Variants in ANK2 observed in about 807,000 individuals in gnomAD.
The protein encoded by ANK2 is ankyrin 2.
In ANK2, 83 loss-of-function variants were observed where a neutral mutation model predicts 360.5. The observed-to-expected ratio is 0.23, with a 90% CI of 0.19 to 0.28. ANK2 has a LOEUF of 0.28. ANK2 is among the 10% of genes least tolerant of loss of function. The pLI is 1.00. For missense variants in ANK2, 4,201 were observed against 4,795.7 expected (o/e 0.88, Z 3.66); for synonymous variants, 1,740 against 1,759.5 (o/e 0.99, Z 0.28).
At chr4:113,306,623 G>A (rs959242015) in intron 23 of ANK2, among the ~76,000 whole-genome samples, 4 of 152,184 alleles carry the variant, frequency 2.6e-5, no homozygotes, top group African/African-American at 9.7e-5. Flanking sequence ...TCTCTATAAT[G>A]CTAGGTACAT....
At chr4:112,979,679 C>T (rs2042500182) in intron 2 of ANK2, 2 of 152,364 alleles carry the variant, frequency 1.3e-5, no homozygotes, top group African/African-American at 4.8e-5. Flanking sequence ...GAACAGTTAT[C>T]AGGAGACCTG....
intron 4 of ANK2, among the ~76,000 whole-genome samples, chr4:113,228,191 CT>C (rs1157647431): frequency 6.6e-6 from 1 of 152,042 alleles, no homozygotes; most frequent in African/African-American, 2.4e-5. Context: ...TTTGTTTTAA[CT>C]TTTTATTTCC....
chr4:112,939,144 A>G (rs895152262), intron 2 of ANK2, among the ~76,000 whole-genome samples: 16 of 152,256 alleles, frequency 1.1e-4, no homozygotes, highest in African/African-American at 3.9e-4. Context: ...CAAATATTTT[A>G]TTTTAAAATT....
intron 1 of ANK2, among the ~76,000 whole-genome samples, chr4:112,819,716 A>G (rs999480498): frequency 6.6e-6 from 1 of 152,214 alleles, no homozygotes. Flanking sequence ...TACAAGCCAT[A>G]TAAAATGAAG....
At chr4:112,954,964 A>G (rs1288124707) in intron 2 of ANK2, among the ~76,000 whole-genome samples, 7 of 152,170 alleles carry the variant, frequency 4.6e-5, no homozygotes, top group Admixed American at 3.9e-4. Context: ...ATGACCAAAT[A>G]TGTTTGTTAT....
intron 3 of ANK2, among the ~76,000 whole-genome samples, chr4:113,197,240 T>G (rs1226630991): frequency 6.6e-6 from 1 of 152,216 alleles, no homozygotes; most frequent in Non-Finnish European, 1.5e-5. Flanking sequence ...ATATTAGATT[T>G]TATCATCATA....
In ANK2 at chr4:113,341,767, C is replaced by T. The variant is rs1475321238; in HGVS notation, c.3973C>T (p.Pro1325Ser). Residue 1325 changes from proline to serine, a missense_variant, in exon 33 of 46, where the codon CCT becomes TCT. Coordinates refer to ENST00000357077, the MANE Select transcript of ANK2 (RefSeq NM_001148.6). ...AGTATACAGAGAAATTATCTGCGTA[C>T]CTTATATGGCCAAATTTGTAGTGTT... ...SQVYREIICV[P>S]YMAKFVVFAK... The T allele has an allele frequency of 1.2e-6, 2 of 1,614,072 alleles. No homozygotes were observed. Among genetic ancestry groups the T allele is most frequent in the Non-Finnish European group, 1.7e-6 (2 of 1,180,002 alleles).
At chr4:112,788,344 A>T in the ANK2 span, 1 of 1,546,722 alleles carries the variant, frequency 6.5e-7, no homozygotes, top group Admixed American at 1.7e-5. Flanking sequence ...TAATGCACTA[A>T]GGGACCACCA....
At chr4:112,750,023 C>T in the ANK2 span, among the ~76,000 whole-genome samples, 275 of 152,158 alleles carry the variant, frequency 1.8e-3, no homozygotes, top group African/African-American at 6.0e-3. Flanking sequence ...GGATTACAGG[C>T]GTGAGCCACC....
intron 1 of ANK2, among the ~76,000 whole-genome samples, chr4:113,135,417 G>T (rs1234130608): frequency 6.6e-6 from 1 of 151,870 alleles, no homozygotes; most frequent in African/African-American, 2.4e-5. Flanking sequence ...ATGAAAGAAT[G>T]CAGAGAAGCT....
the ANK2 span, among the ~76,000 whole-genome samples, chr4:112,802,975 A>C: frequency 6.6e-6 from 1 of 152,272 alleles, no homozygotes; most frequent in Non-Finnish European, 1.5e-5. Flanking sequence ...GGTAGGCTGC[A>C]GTGGTTATTT....
At chr4:113,379,711 C>G (rs1464339744) in intron 45 of ANK2, among the ~76,000 whole-genome samples, 2 of 151,858 alleles carry the variant, frequency 1.3e-5, no homozygotes, top group Non-Finnish European at 2.9e-5. Flanking sequence ...CTTCCAGATG[C>G]AGAACAATTC....
At chr4:112,880,836 C>G (rs2076505024) in intron 1 of ANK2, 1 of 152,194 alleles carries the variant, frequency 6.6e-6, no homozygotes, top group South Asian at 2.1e-4. Context: ...CTCGTCTGGT[C>G]TCTTTCACCT....
chr4:113,019,391 G>A (rs113504305), intron 2 of ANK2, among the ~76,000 whole-genome samples: 1,678 of 152,238 alleles, frequency 0.011, 32 homozygotes, highest in African/African-American at 0.038. Context: ...TCGGTTAAAT[G>A]TTGTTATTTG....
intron 1 of ANK2, among the ~76,000 whole-genome samples, chr4:113,115,654 A>G (rs11930235): frequency 0.022 from 3,300 of 152,276 alleles, 114 homozygotes; most frequent in African/African-American, 0.075. Context: ...TATAACATGT[A>G]CCATCCACAT....
rs767333997 is a variant in ANK2, at chr4:113,287,613, C to G, written c.2088C>G (p.Leu696=). Residue 696 remains leucine, a synonymous_variant, in exon 19 of 46, where the codon CTC becomes CTG. Transcript: ENST00000357077. The part of the protein sequence containing the change: ...ANIHMSTKSG[L]TSLHLAAQED... ...TTCCATTCTTTCTGTAGAGTGGACT[C>G]ACATCCTTACACCTTGCAGCCCAGG... 3.1e-6 allele frequency: 5 copies of G among 1,609,288 alleles called. No homozygotes were observed. In the South Asian group the frequency reaches 5.5e-5, roughly 18 times the overall value.
intron 2 of ANK2, among the ~76,000 whole-genome samples, chr4:113,000,060 A>G (rs1309455854): frequency 6.6e-6 from 1 of 152,252 alleles, no homozygotes; most frequent in Non-Finnish European, 1.5e-5. Context: ...AAAAGGACTC[A>G]AAGAAAAGAA....
the ANK2 span, among the ~76,000 whole-genome samples, chr4:112,775,955 G>A: frequency 1.3e-5 from 2 of 152,194 alleles, no homozygotes; most frequent in African/African-American, 4.8e-5. Context: ...TTCTGATTCA[G>A]TCTGGTTAGG....
chr4:112,963,589 T>C (rs148424310), intron 2 of ANK2, among the ~76,000 whole-genome samples: 5 of 152,300 alleles, frequency 3.3e-5, no homozygotes, highest in African/African-American at 1.2e-4. Context: ...ACTGAATTTT[T>C]TTTCCAAGTG....
Sources: gnomAD v4.1 joint callset for allele counts (sites outside exome capture counted in the v4.1 genomes callset) on GRCh38, gnomAD v4.1.1 for gene constraint, MANE v1.5 for transcripts, NCBI Gene and HGNC (gene_info 2026-07-23, HGNC 2026-07-21) for gene names.